Variants in SGPP2 observed in about 807,000 individuals in gnomAD.
SGPP2 encodes the protein sphingosine 1-phosphate phosphohydrolase 2.
Under a neutral mutation model 33.9 loss-of-function variants are expected in SGPP2, and 30 were observed. The ratio of observed to expected loss-of-function variants is 0.89; its 90% CI spans 0.66 to 1.20. The LOEUF (loss-of-function observed/expected upper bound fraction) is 1.20. Ranked by LOEUF, SGPP2 falls within the 50% of genes most tolerant of loss-of-function variation. The probability of loss-of-function intolerance (pLI) is 0.00; values close to 1 mark genes in which losing one functional copy is unlikely to be tolerated. For missense variants in SGPP2, 458 were observed against 532.1 expected (o/e 0.86, Z 1.37); for synonymous variants, 233 against 225.0 (o/e 1.04, Z -0.32).
intron 4 of SGPP2, among the ~76,000 whole-genome samples, chr2:222,536,495 C>T (rs530501967): frequency 2.0e-4 from 31 of 152,190 alleles, no homozygotes; most frequent in Admixed American, 7.9e-4. Flanking sequence ...GCCTGACCAA[C>T]GTGGTAAAAC....
intron 1 of SGPP2, among the ~76,000 whole-genome samples, chr2:222,430,124 G>A (rs1482292898): frequency 6.6e-6 from 1 of 152,176 alleles, no homozygotes; most frequent in Non-Finnish European, 1.5e-5. Context: ...ATGAATACAA[G>A]GACAGGAAGA....
intron 4 of SGPP2, among the ~76,000 whole-genome samples, chr2:222,554,401 T>C (rs143877707): frequency 1.2e-3 from 189 of 152,330 alleles, no homozygotes; most frequent in Middle Eastern, 0.01. Context: ...GGAACTTGGG[T>C]TATTTCCACT....
chr2:222,502,565 G>C (rs533159827), intron 2 of SGPP2, among the ~76,000 whole-genome samples: 4 of 152,336 alleles, frequency 2.6e-5, no homozygotes, highest in Admixed American at 2.6e-4. Flanking sequence ...AAAAGATGTT[G>C]GAGTTTGGAT....
chr2:222,525,624 T>G, intron 4 of SGPP2, among the ~76,000 whole-genome samples: 1 of 152,226 alleles, frequency 6.6e-6, no homozygotes, highest in East Asian at 1.9e-4. Context: ...TAAAATTCCT[T>G]GAGAATTCAG....
At chr2:222,435,732 A>G (rs761838984) in intron 1 of SGPP2, among the ~76,000 whole-genome samples, 1 of 152,256 alleles carries the variant, frequency 6.6e-6, no homozygotes, top group Admixed American at 6.5e-5. Context: ...TTTTCTTAGT[A>G]CAAGTGTATA....
chr2:222,429,395 G>A (rs1427326537), intron 1 of SGPP2, among the ~76,000 whole-genome samples: 1 of 152,182 alleles, frequency 6.6e-6, no homozygotes, highest in African/African-American at 2.4e-5. Flanking sequence ...CAGACTGCAA[G>A]TTTTTATTAT....
In SGPP2 at chr2:222,560,668, T is replaced by G. The variant is rs1260111755; in HGVS notation, c.*1770T>G. The G allele has an allele frequency of 2.7e-5, 4 of 150,378 alleles. No homozygotes were observed. The highest frequency in any genetic ancestry group is 1.0e-4 in the African/African-American group (4 of 40,094). 9.3% of individuals were successfully genotyped at this position (150,378 alleles called of 1,614,324 possible). A position where few individuals can be genotyped will look rare whatever the true frequency, so the allele number is the denominator to read the frequency against. ...CAACACATCATCACCATGTGCATAC[T>G]CTAGAAAAAAAAATAGCTTCCTTAA... On this transcript the variant is annotated 3_prime_UTR_variant, in exon 5 of 5. Transcript: ENST00000321276.
chr2:222,517,665 T>C (rs1698625500), intron 2 of SGPP2, among the ~76,000 whole-genome samples: 1 of 152,224 alleles, frequency 6.6e-6, no homozygotes, highest in Non-Finnish European at 1.5e-5. Context: ...GCATGCCCAC[T>C]GGGGCTTTGA....
chr2:222,533,788 TA>T (rs1445545006), intron 4 of SGPP2, among the ~76,000 whole-genome samples: 9 of 113,348 alleles, frequency 7.9e-5, no homozygotes, highest in Non-Finnish European at 1.0e-4. Context: ...GGGCTTCATT[TA>T]TTTTTTTTTT....
At chr2:222,439,802 A>G (rs10168232) in intron 1 of SGPP2, among the ~76,000 whole-genome samples, 75,567 of 152,006 alleles carry the variant, frequency 0.5, 19,555 homozygotes, top group Admixed American at 0.65. Context: ...AAGGATTGCT[A>G]TAAAGGGGTA....
At chr2:222,467,161 A>G (rs1464984205) in intron 1 of SGPP2, among the ~76,000 whole-genome samples, 1 of 152,200 alleles carries the variant, frequency 6.6e-6, no homozygotes, top group African/African-American at 2.4e-5. Flanking sequence ...GGCCAGCAAC[A>G]TGGCAACGTC....
chr2:222,440,098 A>G (rs1363837335), intron 1 of SGPP2, among the ~76,000 whole-genome samples: 4 of 152,210 alleles, frequency 2.6e-5, no homozygotes, highest in African/African-American at 9.6e-5. Context: ...AACTTTTACT[A>G]CAGGCATTAT....
At chr2:222,525,076 T>TA (rs1698739095) in intron 4 of SGPP2, 43 bp downstream of exon 4, 2 of 1,444,232 alleles carry the variant, frequency 1.4e-6, no homozygotes, top group Non-Finnish European at 1.9e-6. Context: ...GTTTGAATGA[T>TA]ATTGTGGTCA....
At chr2:222,514,615 G>T (rs1322250364) in intron 2 of SGPP2, among the ~76,000 whole-genome samples, 1 of 82,518 alleles carries the variant, frequency 1.2e-5, no homozygotes, top group Non-Finnish European at 3.1e-5. Context: ...AATATTTAGT[G>T]TTTACTTGTA....
At chr2:222,525,809 A>G (rs1440455750) in intron 4 of SGPP2, among the ~76,000 whole-genome samples, 1 of 152,162 alleles carries the variant, frequency 6.6e-6, no homozygotes, top group Non-Finnish European at 1.5e-5. Flanking sequence ...TTAAGTTAGC[A>G]AAAAAACCTG....
At chr2:222,536,557 G>A (rs1208089394) in intron 4 of SGPP2, among the ~76,000 whole-genome samples, 3 of 152,118 alleles carry the variant, frequency 2.0e-5, no homozygotes, top group African/African-American at 7.2e-5. Context: ...GCAGGCACCT[G>A]TAGTCCCAGC....
intron 4 of SGPP2, among the ~76,000 whole-genome samples, chr2:222,532,075 C>G (rs1265942468): frequency 6.6e-6 from 1 of 152,024 alleles, no homozygotes; most frequent in Admixed American, 6.6e-5. Flanking sequence ...GAGTTCGAGA[C>G]CAGCCTGACC....
At chr2:222,510,224 C>T (rs1200084147) in intron 2 of SGPP2, among the ~76,000 whole-genome samples, 2 of 152,168 alleles carry the variant, frequency 1.3e-5, no homozygotes, top group African/African-American at 4.8e-5. Flanking sequence ...GCTTTCCATT[C>T]TCTTAGGGAT....
rs118135468 is a variant in SGPP2, at chr2:222,481,078, A to T, written c.378+6352A>T. 3.4e-3 allele frequency among the ~76,000 whole-genome samples: 519 copies of T among 152,292 alleles called. 9 individuals are homozygous for T. The highest frequency in any genetic ancestry group is 0.022 in the Admixed American group (336 of 15,302). ...AGACACGTGAGGGGGAACAACACAC[A>T]CTGGGTACCTGTTGGGGGTTGGCAG... On this transcript the variant is annotated intron_variant, in intron 2 of 4. Coordinates refer to ENST00000321276, the MANE Select transcript of SGPP2 (RefSeq NM_152386.4).
Sources: gnomAD v4.1 joint callset for allele counts (sites outside exome capture counted in the v4.1 genomes callset) on GRCh38, gnomAD v4.1.1 for gene constraint, MANE v1.5 for transcripts, NCBI Gene and HGNC (gene_info 2026-07-23, HGNC 2026-07-21) for gene names.